Variants in CTNNA3 observed in about 807,000 individuals in gnomAD.
CTNNA3 encodes catenin alpha-3.
In CTNNA3, 76 loss-of-function variants were observed where a neutral mutation model predicts 95.7. The ratio of observed to expected loss-of-function variants is 0.79; its 90% CI spans 0.66 to 0.96. The LOEUF is 0.96. CTNNA3 is among the 40% of genes least tolerant of loss of function. The pLI is 0.00. For missense variants in CTNNA3, 1,191 were observed against 1,089.8 expected (o/e 1.09, Z -1.31); for synonymous variants, 431 against 374.4 (o/e 1.15, Z -1.74).
At chr10:66,784,458 T>C (rs1025108704) in intron 7 of CTNNA3, among the ~76,000 whole-genome samples, 21 of 152,300 alleles carry the variant, frequency 1.4e-4, no homozygotes, top group South Asian at 2.1e-4. Flanking sequence ...ATCTAACTTA[T>C]ATACTGTCAG....
chr10:67,167,412 T>G lies in CTNNA3; in HGVS notation c.1047+12905A>C, dbSNP rs546291423. Among the ~76,000 whole-genome samples the G allele has an allele frequency of 1.2e-3, 183 of 152,266 alleles. 1 individual carries two copies. The highest frequency in any genetic ancestry group is 4.2e-3 in the African/African-American group (174 of 41,562). On this transcript the variant is annotated intron_variant, in intron 7 of 17. Coordinates refer to ENST00000433211, the MANE Select transcript of CTNNA3 (RefSeq NM_013266.4). ...CTAGAAATTGCATTCTGAGGGGAAA[T>G]GTCTCAAAGTTGAGCACTCCAAAAC...
intron 1 of CTNNA3, among the ~76,000 whole-genome samples, chr10:67,748,569 T>C (rs1841385536): frequency 1.3e-5 from 2 of 152,194 alleles, no homozygotes; most frequent in South Asian, 4.1e-4. Context: ...AATTTGTCAC[T>C]GCCAGGCCTA....
chr10:67,751,485 C>T (rs1032309098), intron 1 of CTNNA3, among the ~76,000 whole-genome samples: 1 of 151,906 alleles, frequency 6.6e-6, no homozygotes, highest in East Asian at 1.9e-4. Context: ...GTCTGTCTGT[C>T]AAGCACCAGA....
intron 5 of CTNNA3, among the ~76,000 whole-genome samples, chr10:67,376,311 G>C (rs1335137352): frequency 2.0e-5 from 3 of 152,170 alleles, no homozygotes; most frequent in African/African-American, 4.8e-5. Flanking sequence ...AGGGAGGCTG[G>C]ACTAGTAAAC....
intron 1 of CTNNA3, among the ~76,000 whole-genome samples, chr10:67,719,054 T>G (rs1423044440): frequency 6.6e-6 from 1 of 152,174 alleles, no homozygotes; most frequent in Admixed American, 6.5e-5. Context: ...GTCCAGGAAT[T>G]TATCCATTTC....
At chr10:66,678,116 A>C (rs1846930034) in intron 9 of CTNNA3, among the ~76,000 whole-genome samples, 3 of 152,176 alleles carry the variant, frequency 2.0e-5, no homozygotes, top group African/African-American at 7.2e-5. Flanking sequence ...TAATAATGAC[A>C]ATGACAACAA....
chr10:66,307,809 A>T (rs916387710), intron 12 of CTNNA3, among the ~76,000 whole-genome samples: 1 of 152,206 alleles, frequency 6.6e-6, no homozygotes, highest in Admixed American at 6.5e-5. Context: ...CAAATACACA[A>T]ATGGAGAACA....
chr10:66,476,840 G>T (rs10997161), intron 11 of CTNNA3, among the ~76,000 whole-genome samples: 9,408 of 152,074 alleles, frequency 0.062, 605 homozygotes, highest in African/African-American at 0.16. Flanking sequence ...TAGAGTGGCA[G>T]ATTTTTCTTT....
intron 17 of CTNNA3, among the ~76,000 whole-genome samples, chr10:65,923,300 T>G (rs2077118179): frequency 6.6e-6 from 1 of 152,352 alleles, no homozygotes; most frequent in South Asian, 2.1e-4. Context: ...CATTTGCACC[T>G]CAAGATTGAC....
intron 11 of CTNNA3, among the ~76,000 whole-genome samples, chr10:66,420,625 C>A (rs947023755): frequency 2.0e-5 from 3 of 151,752 alleles, no homozygotes; most frequent in African/African-American, 7.3e-5. Context: ...ACAGTGAAAC[C>A]CCATCTCTAC....
At chr10:67,267,318 C>CTG (rs142961666) in intron 5 of CTNNA3, among the ~76,000 whole-genome samples, 9 of 151,634 alleles carry the variant, frequency 5.9e-5, no homozygotes, top group Non-Finnish European at 1.0e-4. Context: ...GGAAGAAGTT[C>CTG]TGTGTGTGTG....
At chr10:66,480,487 G>C (rs142222074) in intron 11 of CTNNA3, among the ~76,000 whole-genome samples, 1 of 151,732 alleles carries the variant, frequency 6.6e-6, no homozygotes, top group Non-Finnish European at 1.5e-5. Context: ...TTATTCTTTC[G>C]ACAAATAGGC....
chr10:66,454,351 G>A (rs923342626), intron 11 of CTNNA3, among the ~76,000 whole-genome samples: 1 of 152,006 alleles, frequency 6.6e-6, no homozygotes, highest in Non-Finnish European at 1.5e-5. Flanking sequence ...TAGCAAGATT[G>A]TCAAAGAAAA....
intron 11 of CTNNA3, among the ~76,000 whole-genome samples, chr10:66,468,859 A>T (rs1253698284): frequency 2.0e-5 from 3 of 151,958 alleles, no homozygotes; most frequent in Non-Finnish European, 2.9e-5. Flanking sequence ...ATAGTTTTAT[A>T]TGCATATTTT....
At chr10:67,178,721 T>C (rs1186313440) in intron 7 of CTNNA3, among the ~76,000 whole-genome samples, 1 of 151,798 alleles carries the variant, frequency 6.6e-6, no homozygotes, top group East Asian at 1.9e-4. Context: ...TATATAACTT[T>C]ACTATATTTT....
At chr10:66,541,894 T>G (rs1841865283) in intron 10 of CTNNA3, among the ~76,000 whole-genome samples, 1 of 152,114 alleles carries the variant, frequency 6.6e-6, no homozygotes, top group Non-Finnish European at 1.5e-5. Context: ...ACTTGAAATT[T>G]GCATAAACTA....
chr10:67,095,310 T>C (rs1857920019), intron 7 of CTNNA3, among the ~76,000 whole-genome samples: 3 of 151,728 alleles, frequency 2.0e-5, no homozygotes, highest in East Asian at 1.9e-4. Context: ...TGCTTATAAG[T>C]TCCATCCTAA....
At chr10:67,318,497 G>C (rs1440444766) in intron 5 of CTNNA3, among the ~76,000 whole-genome samples, 1 of 152,140 alleles carries the variant, frequency 6.6e-6, no homozygotes, top group Non-Finnish European at 1.5e-5. Flanking sequence ...ATGCACACAT[G>C]CATAAACCAA....
At chr10:67,012,334 C>T (rs886795837) in intron 7 of CTNNA3, 3 of 152,182 alleles carry the variant, frequency 2.0e-5, no homozygotes, top group Non-Finnish European at 4.4e-5. Context: ...TGCCAGATCT[C>T]CTAGATGCCC....
Sources: allele counts gnomAD v4.1 joint callset (sites outside exome capture counted in the v4.1 genomes callset), GRCh38; gene constraint gnomAD v4.1.1; transcripts MANE v1.5; gene names NCBI Gene and HGNC (gene_info 2026-07-23, HGNC 2026-07-21).